The following ULK4 variants were observed in gnomAD, a reference collection of about 807,000 sequenced individuals.
ULK4 encodes the protein unc-51 like kinase 4, also known as inactive serine/threonine-protein kinase ULK4.
A neutral mutation model predicts 160.6 loss-of-function variants in ULK4; 133 were observed. The observed-to-expected ratio is 0.83, with a 90% CI of 0.72 to 0.96. The LOEUF (loss-of-function observed/expected upper bound fraction) is 0.96. Among genes scored for constraint, ULK4 ranks in the 40% least tolerant of loss-of-function variants. ULK4 has a pLI of 0.00. For synonymous variants in ULK4, 534 were observed against 539.8 expected, an observed-to-expected ratio of 0.99 and a Z score of 0.15; for missense variants, 1,580 against 1,499.5, an observed-to-expected ratio of 1.05 and a Z score of -0.89.
At chr3:41,524,491 A>G (rs2086042177) in intron 32 of ULK4, among the ~76,000 whole-genome samples, 1 of 152,198 alleles carries the variant, frequency 6.6e-6, no homozygotes, top group African/African-American at 2.4e-5. Context: ...AGAGGAAACC[A>G]GTCAGCACCA....
chr3:41,482,127 CT>C (rs2125897914), intron 32 of ULK4, among the ~76,000 whole-genome samples: 1 of 152,178 alleles, frequency 6.6e-6, no homozygotes, highest in South Asian at 2.1e-4. Context: ...ACCCTGAATT[CT>C]TTTTTGCATG....
At chr3:41,677,298 G>A (rs1379723158) in intron 29 of ULK4, among the ~76,000 whole-genome samples, 1 of 150,588 alleles carries the variant, frequency 6.6e-6, no homozygotes, top group Non-Finnish European at 1.5e-5. Flanking sequence ...ATCCACATGT[G>A]ATAGGCACTA....
At chr3:41,831,531 A>ATATATATTTTTTTT in intron 18 of ULK4, among the ~76,000 whole-genome samples, 7 of 138,062 alleles carry the variant, frequency 5.1e-5, no homozygotes, top group African/African-American at 2.0e-4. Flanking sequence ...ATATATATAT[A>ATATATATTTTTTTT]TTTTTTTTTC....
rs781508541 is a variant in ULK4, at chr3:41,800,344, T to A, written c.1849-51A>T. 3.3e-6 allele frequency: 5 copies of A among 1,524,464 alleles called. No individual in the cohort carries two copies. The South Asian group carries it at 5.9e-5, about 18-fold the overall frequency. 94.4% of individuals were successfully genotyped at this position (1,524,464 alleles called of 1,614,324 possible). On this transcript the variant is annotated intron_variant, in intron 19 of 36. Coordinates refer to ENST00000301831, the MANE Select transcript of ULK4 (RefSeq NM_017886.4). ...TATTAGTGTGAGAAATAAATACATGTTATTTCTTTATGACCATTGTAAATA... is the reference window on the plus strand; with the variant it reads ...TATTAGTGTGAGAAATAAATACATGATATTTCTTTATGACCATTGTAAATA...
At chr3:41,375,306 A>G (rs1206263843) in intron 35 of ULK4, among the ~76,000 whole-genome samples, 1 of 152,084 alleles carries the variant, frequency 6.6e-6, no homozygotes, top group Non-Finnish European at 1.5e-5. Context: ...TGGAACCAAA[A>G]AAGAGTCTGT....
chr3:41,721,042 C>T (rs966460153), intron 22 of ULK4, among the ~76,000 whole-genome samples: 6 of 151,752 alleles, frequency 4.0e-5, no homozygotes, highest in African/African-American at 1.2e-4. Context: ...GCCCTTTATA[C>T]ACTACATGAA....
At chr3:41,642,959 T>C (rs369036506) in intron 30 of ULK4, among the ~76,000 whole-genome samples, 1 of 152,224 alleles carries the variant, frequency 6.6e-6, no homozygotes, top group Non-Finnish European at 1.5e-5. Context: ...GAGCATTTTT[T>C]CATGTGTCTG....
chr3:41,283,332 A>G (rs1442574035), intron 35 of ULK4, among the ~76,000 whole-genome samples: 1 of 152,240 alleles, frequency 6.6e-6, no homozygotes, highest in Non-Finnish European at 1.5e-5. Context: ...ATGCTACTGT[A>G]AAGACACATG....
intron 19 of ULK4, among the ~76,000 whole-genome samples, chr3:41,809,182 A>C (rs1002749354): frequency 2.0e-5 from 3 of 147,370 alleles, no homozygotes; most frequent in Non-Finnish European, 3.1e-5. Context: ...AAAACAAAAA[A>C]AAAAACAAAA....
At chr3:41,542,410 C>T (rs1291555882) in intron 32 of ULK4, among the ~76,000 whole-genome samples, 1 of 152,174 alleles carries the variant, frequency 6.6e-6, no homozygotes, top group Non-Finnish European at 1.5e-5. Flanking sequence ...TTTTGATGTG[C>T]TGCTGGATTT....
chr3:41,398,432 G>A lies in ULK4; in HGVS notation c.3493-168C>T, dbSNP rs144914633. Among the ~76,000 whole-genome samples the A allele has an allele frequency of 2.3e-3, 352 of 150,992 alleles. 2 individuals carry two copies. The highest frequency in any genetic ancestry group is 0.015 in the East Asian group (77 of 5,134). The stretch of plus-strand genomic sequence containing the variant: ...AGGGTCCCACTCTGTTGCCCAGGCT[G>A]GAGTGCAGTGGTATGATCACAACTC... On this transcript the variant is annotated intron_variant, in intron 34 of 36. Transcript: ENST00000301831.
At chr3:41,550,555 A>C (rs2087024091) in intron 32 of ULK4, among the ~76,000 whole-genome samples, 1 of 152,066 alleles carries the variant, frequency 6.6e-6, no homozygotes, top group South Asian at 2.1e-4. Flanking sequence ...AGATCATTAC[A>C]TAACAATAAA....
At chr3:41,683,196 G>A (rs868141985) in intron 27 of ULK4, among the ~76,000 whole-genome samples, 7 of 152,120 alleles carry the variant, frequency 4.6e-5, no homozygotes, top group South Asian at 2.1e-4. Context: ...ATGTTTAACC[G>A]TGGCTTTTAC....
chr3:41,580,831 G>T (rs368809307), intron 31 of ULK4, among the ~76,000 whole-genome samples: 1 of 152,108 alleles, frequency 6.6e-6, no homozygotes, highest in South Asian at 2.1e-4. Flanking sequence ...AACCTCCAAG[G>T]CCCTTTTCTG....
At chr3:41,254,302 GAC>G (rs1337045157) in intron 35 of ULK4, among the ~76,000 whole-genome samples, 9 of 152,098 alleles carry the variant, frequency 5.9e-5, no homozygotes, top group Admixed American at 1.3e-4. Flanking sequence ...TATATTCTCT[GAC>G]CATATGGAAT....
At chr3:41,411,851 G>A (rs1006778450) in intron 34 of ULK4, among the ~76,000 whole-genome samples, 2 of 151,892 alleles carry the variant, frequency 1.3e-5, no homozygotes, top group Non-Finnish European at 2.9e-5. Context: ...ACCTGATAAA[G>A]GTTGTGTAGG....
At chr3:41,760,892 A>C (rs1197277970) in intron 21 of ULK4, among the ~76,000 whole-genome samples, 3 of 146,324 alleles carry the variant, frequency 2.1e-5, no homozygotes, top group Non-Finnish European at 4.5e-5. Context: ...ACTGTGGTAC[A>C]TCCACATAAT....
chr3:41,736,519 G>A (rs1008258567), intron 22 of ULK4, among the ~76,000 whole-genome samples: 26 of 151,900 alleles, frequency 1.7e-4, no homozygotes, highest in African/African-American at 1.7e-4. Flanking sequence ...CATATCCTTC[G>A]CCCACTTTGT....
intron 17 of ULK4, among the ~76,000 whole-genome samples, chr3:41,841,462 G>A (rs553302687): frequency 1.7e-4 from 25 of 148,144 alleles, no homozygotes; most frequent in African/African-American, 4.3e-4. Context: ...CGGCCGCCCC[G>A]TCTGGGAGGT....
Sources: allele counts gnomAD v4.1 joint callset (sites outside exome capture counted in the v4.1 genomes callset), GRCh38; gene constraint gnomAD v4.1.1; transcripts MANE v1.5; gene names NCBI Gene and HGNC (gene_info 2026-07-23, HGNC 2026-07-21).